The following SYNPO2L variants were observed in gnomAD, a reference collection of about 807,000 sequenced individuals.
SYNPO2L encodes synaptopodin 2-like protein.
Under a neutral mutation model 47.5 loss-of-function variants are expected in SYNPO2L, and 34 were observed. That is an observed-to-expected ratio of 0.72 (90% CI 0.54 to 0.95). The LOEUF (loss-of-function observed/expected upper bound fraction) is 0.95, where lower values mean the gene tolerates loss of function less well. Among genes scored for constraint, SYNPO2L ranks in the 40% least tolerant of loss-of-function variants. The pLI is 0.00. For missense variants in SYNPO2L, 1,246 were observed against 1,282.0 expected (o/e 0.97, Z 0.43); for synonymous variants, 536 against 524.9 (o/e 1.02, Z -0.29).
chr10:73,648,435 G>A lies in SYNPO2L; in HGVS notation c.1217C>T (p.Ala406Val). 1 of 1,609,194 alleles carries A rather than the reference G, an allele frequency of 6.2e-7. No individual in the cohort carries two copies. The highest frequency in any genetic ancestry group is 1.7e-4 in the Middle Eastern group (1 of 6,060). ...QRADSSTQEL[A>V]RVEPAAMLNG... Reference sequence around the variant, plus strand: ...GAGCATGGCTGCTGGTTCGACCCGTGCCAGTTCCTGGGTGCTGGAGTCTGC... The same window carrying A: ...GAGCATGGCTGCTGGTTCGACCCGTACCAGTTCCTGGGTGCTGGAGTCTGC... Residue 406 changes from alanine (A) to valine (V), a missense_variant, in exon 4 of 4, where the codon GCA becomes GTA. By Grantham distance (64) the Ala-to-Val change is moderately conservative. Coordinates refer to ENST00000394810, the MANE Select transcript of SYNPO2L (RefSeq NM_001114133.3).
In SYNPO2L at chr10:73,648,054, C is replaced by T; in HGVS notation, c.1598G>A (p.Gly533Asp). The T allele has an allele frequency of 6.3e-7, 1 of 1,590,742 alleles. No individual in the cohort carries two copies. Among genetic ancestry groups the T allele is most frequent in the Non-Finnish European group, 8.6e-7 (1 of 1,168,664 alleles). ...SGVPSHAPVS[G>D]SPSTPRSSGP... ...CGAGGAGCGTGGGGTGCTGGGGGAA[C>T]CAGAGACTGGCGCGTGGCTGGGAAC... Residue 533 changes from glycine to aspartate, a missense_variant, in exon 4 of 4, where the codon GGT becomes GAT. Transcript: ENST00000394810.
rs961781805 is a variant in SYNPO2L at position 73,645,911 on chromosome 10, G to A, written c.*807C>T. 7.4e-5 allele frequency: 69 copies of A among 936,922 alleles called. No individual in the cohort carries two copies. Among genetic ancestry groups the A allele is most frequent in the Non-Finnish European group, 8.1e-5 (64 of 785,574 alleles). 58.0% of individuals were successfully genotyped at this position (936,922 alleles called of 1,614,324 possible). On this transcript the variant is annotated 3_prime_UTR_variant, in exon 4 of 4. Transcript: ENST00000394810. ...GCAATCTCAGCTCACTGCAAGCTCC[G>A]CCTTCCAGGTTCATGCCATTCTCCT...
chr10:73,648,131 G>T lies in SYNPO2L; in HGVS notation c.1521C>A (p.Pro507=), dbSNP rs769783352. ...DSLGGLSPAP[P]PFLSSQGPTP... ...TGGGCCCCTGCGAAGACAAGAAGGG[G>T]GGTGGGGCGGGGCTGAGGCCCCCCA... The change falls in exon 4 of 4, where the codon CCC becomes CCA. Residue 507 remains proline, a synonymous_variant. Transcript: ENST00000394810. The T allele has an allele frequency of 5.8e-6, 9 of 1,539,106 alleles. No individual in the cohort carries two copies. Among genetic ancestry groups the T allele is most frequent in the Non-Finnish European group, 7.9e-6 (9 of 1,144,478 alleles).
Position 73,646,870 on chromosome 10 carries a change from G to A in SYNPO2L, c.2782C>T (p.Pro928Ser). The A allele has an allele frequency of 3.8e-6, 6 of 1,561,400 alleles. No homozygotes were observed. Among genetic ancestry groups the A allele is most frequent in the Non-Finnish European group, 5.2e-6 (6 of 1,152,388 alleles). ...GGAGGAGGGGCTGGGCTAGGAACAG[G>A]GGCTGAGGCCAGTTCTGTTCTCCAG... ...PIWRTELASA[P>S]VPSPAPPPEA... Residue 928 changes from proline (P) to serine (S), a missense_variant, in exon 4 of 4, where the codon CCT becomes TCT. By Grantham distance (74) the Pro-to-Ser change is moderately conservative. Coordinates refer to ENST00000394810, the MANE Select transcript of SYNPO2L (RefSeq NM_001114133.3).
rs923036150 is a variant in SYNPO2L, at chr10:73,645,972, T to C, written c.*746A>G. On this transcript the variant is annotated 3_prime_UTR_variant, in exon 4 of 4. Coordinates refer to ENST00000394810, the MANE Select transcript of SYNPO2L (RefSeq NM_001114133.3). ...CCCGAGTAGCTGGGACTACAGGCGCTCGCCACCACGCCCAGCTAATTTTTT... is the reference window on the plus strand; with the variant it reads ...CCCGAGTAGCTGGGACTACAGGCGCCCGCCACCACGCCCAGCTAATTTTTT... 5.9e-6 allele frequency: 5 copies of C among 848,098 alleles called. No homozygotes were observed. Among genetic ancestry groups the C allele is most frequent in the Admixed American group, 1.2e-4 (2 of 16,070 alleles). The allele number at this position is 848,098 out of a possible 1,614,324, so 52.5% of individuals were successfully genotyped here.
At chr10:73,654,837 C>T (rs920585736) in intron 1 of SYNPO2L, among the ~76,000 whole-genome samples, 6 of 143,108 alleles carry the variant, frequency 4.2e-5, no homozygotes, top group Non-Finnish European at 8.9e-5. Context: ...AAGACTCTGT[C>T]GCAAAAAAAA....
At chr10:73,655,439 T>C (rs893636273) in intron 1 of SYNPO2L, among the ~76,000 whole-genome samples, 3 of 152,018 alleles carry the variant, frequency 2.0e-5, no homozygotes, top group Admixed American at 6.6e-5. Flanking sequence ...TCATCACATA[T>C]CAGTTTAGTC....
Position 73,647,088 on chromosome 10 carries a change from T to G in SYNPO2L, c.2564A>C (p.Tyr855Ser). 1 of 1,613,984 alleles carries G rather than the reference T, an allele frequency of 6.2e-7. No homozygotes were observed. The highest frequency in any genetic ancestry group is 2.2e-5 in the East Asian group (1 of 44,856). Reference protein sequence around the residue: ...KALDFMRHQPYQLKTAMFCFD... With the variant: ...KALDFMRHQPSQLKTAMFCFD... ...ACAGAACATGGCAGTTTTAAGTTGA[T>G]AGGGCTGATGCCGCATAAAATCTAG... is the stretch of plus-strand genomic sequence containing the variant. Residue 855 changes from tyrosine to serine, a missense_variant, in exon 4 of 4, where the codon TAT becomes TCT. Tyr to Ser is a moderately radical substitution (Grantham distance 144). This residue lies in a region of SYNPO2L where 1,037 missense variants were observed against 1,021.5 expected (regional missense o/e 1.02). Coordinates refer to ENST00000394810, the MANE Select transcript of SYNPO2L (RefSeq NM_001114133.3).
Position 73,645,557 on chromosome 10 carries a change from G to A in SYNPO2L, c.*1161C>T. On this transcript the variant is annotated 3_prime_UTR_variant, in exon 4 of 4. Coordinates refer to ENST00000394810, the MANE Select transcript of SYNPO2L (RefSeq NM_001114133.3). ...CCTGGGTACTGGGTTGCTCAGCACTGGCCTCTCAAGTTGCTAACTTTTTGA... is the reference window on the plus strand; with the variant it reads ...CCTGGGTACTGGGTTGCTCAGCACTAGCCTCTCAAGTTGCTAACTTTTTGA... 1 of 987,106 alleles carries A rather than the reference G, an allele frequency of 1.0e-6. No homozygotes were observed. The highest frequency in any genetic ancestry group is 1.2e-6 in the Non-Finnish European group (1 of 831,132). 61.1% of individuals were successfully genotyped at this position (987,106 alleles called of 1,614,324 possible). A position where few individuals can be genotyped will look rare whatever the true frequency, so the allele number is the denominator to read the frequency against.
intron 3 of SYNPO2L, 23 bp from the exon 4 acceptor site, chr10:73,648,902 T>C (rs2132419725): frequency 1.3e-6 from 2 of 1,487,158 alleles, no homozygotes; most frequent in East Asian, 4.6e-5. Flanking sequence ...AGAGGTAAAA[T>C]GGTCAGGGGG....
At chr10:73,648,909 G>C (rs755337626) in intron 3 of SYNPO2L, 30 bp from the exon 4 acceptor site, 1 of 1,480,946 alleles carries the variant, frequency 6.8e-7, no homozygotes, top group Non-Finnish European at 8.9e-7. Flanking sequence ...AAATGGTCAG[G>C]GGGGCTTCCC....
At position 73,647,387 on chromosome 10, in the gene SYNPO2L, C is replaced by T. The variant is rs766884023; in HGVS notation, c.2265G>A (p.Gln755=). ...TAGCAAACAGCTCCCCACCCCTGCC[C>T]TGCAGCCTTGGTGGCTCAGGGATTC... ...SAGIPEPPRL[Q]GRGGELFAKR... Residue 755 remains glutamine, a synonymous_variant, in exon 4 of 4, where the codon CAG becomes CAA. Coordinates refer to ENST00000394810, the MANE Select transcript of SYNPO2L (RefSeq NM_001114133.3). 6.2e-7 allele frequency: 1 copy of T among 1,613,980 alleles called. No individual in the cohort carries two copies. Among genetic ancestry groups the T allele is most frequent in the Non-Finnish European group, 8.5e-7 (1 of 1,179,928 alleles).
At chr10:73,654,551 T>C (rs1238115989) in intron 1 of SYNPO2L, among the ~76,000 whole-genome samples, 1 of 151,908 alleles carries the variant, frequency 6.6e-6, no homozygotes, top group Non-Finnish European at 1.5e-5. Flanking sequence ...TAACTAGAAA[T>C]GGTGGTTATT....
In SYNPO2L at chr10:73,653,631, G is replaced by T; in HGVS notation, c.280C>A (p.Gln94Lys). The part of the protein sequence containing the change: ...VQRLADEGPV[Q>K]SPSPHELQVL... ...TGAAGCTCATGGGGAGATGGAGATT[G>T]CACAGGACCCTCGTCTGCTAACCTG... Residue 94 changes from glutamine to lysine, a missense_variant, in exon 3 of 4, where the codon CAA becomes AAA. Physicochemically the swap from Gln to Lys is moderately conservative, Grantham distance 53. Transcript: ENST00000394810. 1.3e-6 allele frequency: 2 copies of T among 1,547,654 alleles called. No homozygotes were observed. The highest frequency in any genetic ancestry group is 2.5e-5 in the East Asian group (1 of 40,730).
In SYNPO2L at chr10:73,648,484, G is replaced by A; in HGVS notation, c.1168C>T (p.Leu390Phe). ...LSEVSGRGVQ[L>F]FEQQRQRADS... ...GCGCGCTGGCGCTGCTGTTCAAAGA[G>A]CTGCACCCCTCGCCCAGAGACCTCA... The change falls in exon 4 of 4, where the codon CTC (leucine) becomes TTC (phenylalanine). Residue 390 changes from leucine to phenylalanine, a missense_variant. Physicochemically the swap from Leu to Phe is conservative, Grantham distance 22. This residue lies in a region of SYNPO2L where 1,037 missense variants were observed against 1,021.5 expected (regional missense o/e 1.02). Transcript: ENST00000394810. 1.9e-6 allele frequency: 3 copies of A among 1,613,146 alleles called. No individual in the cohort carries two copies. Among genetic ancestry groups the A allele is most frequent in the Non-Finnish European group, 2.5e-6 (3 of 1,179,870 alleles).
Position 73,647,057 on chromosome 10 carries a change from A to G in SYNPO2L, c.2595T>C (p.Asp865=), listed in dbSNP as rs765142154. 2 of 1,613,938 alleles carry G rather than the reference A, an allele frequency of 1.2e-6. No individual in the cohort carries two copies. The highest frequency in any genetic ancestry group is 2.2e-5 in the South Asian group (2 of 91,076). The change falls in exon 4 of 4, where the codon GAT becomes GAC. Residue 865 remains aspartate (D), a synonymous_variant. Transcript: ENST00000394810. ...TAGGGCCAGGAGTCGGGGGAACCTC[A>G]TCAAAACAGAACATGGCAGTTTTAA... ...YQLKTAMFCF[D]EVPPTPGPIA...
rs1589450887 is a variant in SYNPO2L, at chr10:73,647,246, T to G, written c.2406A>C (p.Ser802=). The G allele has an allele frequency of 6.2e-7, 1 of 1,613,356 alleles. No individual in the cohort carries two copies. Among genetic ancestry groups the G allele is most frequent in the Non-Finnish European group, 8.5e-7 (1 of 1,179,828 alleles). The change falls in exon 4 of 4, where the codon TCA becomes TCC. Residue 802 remains serine (S), a synonymous_variant. Transcript: ENST00000394810. ...TAGGAGGCGGGGCACGGATGTTGGGTGAATATTTCCAGGAAGGGGGCAGAG... is the reference window on the plus strand; with the variant it reads ...TAGGAGGCGGGGCACGGATGTTGGGGGAATATTTCCAGGAAGGGGGCAGAG... ...TPSLPPSWKY[S]PNIRAPPPIA...
intron 3 of SYNPO2L, chr10:73,650,590 G>T: frequency 1.4e-6 from 1 of 722,604 alleles, no homozygotes; most frequent in Non-Finnish European, 1.7e-6. Context: ...ATACTTTCTT[G>T]ATATATATGG....
Position 73,647,317 on chromosome 10 carries a change from C to T in SYNPO2L, c.2335G>A (p.Gly779Ser), listed in dbSNP as rs557225904. 24 of 1,613,942 alleles carry T rather than the reference C, an allele frequency of 1.5e-5. No individual in the cohort carries two copies. Among genetic ancestry groups the T allele is most frequent in the Non-Finnish European group, 1.8e-5 (21 of 1,180,010 alleles). Reference sequence around the variant, plus strand: ...CTAGGCCGAGGGCCAAGACCAGGACCAGGTGTACCTTCCACCACATACCTG... The same window carrying T: ...CTAGGCCGAGGGCCAAGACCAGGACTAGGTGTACCTTCCACCACATACCTG... ...ADRYVVEGTP[G>S]PGLGPRPRSP... The change falls in exon 4 of 4, where the codon GGT becomes AGT. Residue 779 changes from glycine to serine, a missense_variant. Coordinates refer to ENST00000394810, the MANE Select transcript of SYNPO2L (RefSeq NM_001114133.3).
Sources: allele counts gnomAD v4.1 joint callset (sites outside exome capture counted in the v4.1 genomes callset), GRCh38; gene constraint gnomAD v4.1.1; regional missense constraint gnomAD v4.1.1; transcripts MANE v1.5; gene names NCBI Gene and HGNC (gene_info 2026-07-23, HGNC 2026-07-21).